The following DHRSX variants were observed in gnomAD, a reference collection of about 807,000 sequenced individuals.
The protein encoded by DHRSX is dehydrogenase/reductase X-linked.
DHRSX carries 31 observed loss-of-function variants against 34.0 expected under a neutral mutation model. The ratio of observed to expected loss-of-function variants is 0.91; its 90% CI spans 0.69 to 1.23. The LOEUF (loss-of-function observed/expected upper bound fraction) is 1.23. Ranked by LOEUF, DHRSX falls within the 50% of genes most tolerant of loss-of-function variation. The probability of loss-of-function intolerance (pLI) is 0.00; values close to 1 mark genes in which losing one functional copy is unlikely to be tolerated. For missense variants in DHRSX, 414 were observed against 428.1 expected, an observed-to-expected ratio of 0.97 and a Z score of 0.29; for synonymous variants, 201 against 183.8, an observed-to-expected ratio of 1.09 and a Z score of -0.76.
At chrX:2,387,924 A>AAC (rs2043291618) in intron 3 of DHRSX, among the ~76,000 whole-genome samples, 1 of 148,990 alleles carries the variant, frequency 6.7e-6, no homozygotes, top group Non-Finnish European at 1.5e-5. Flanking sequence ...AAAAAAAAAA[A>AAC]CGGGATTCCC....
At chrX:2,315,997 G>A (rs762054140) in intron 3 of DHRSX, among the ~76,000 whole-genome samples, 12 of 152,202 alleles carry the variant, frequency 7.9e-5, no homozygotes, top group African/African-American at 2.9e-4. Flanking sequence ...CAGTAGCTGG[G>A]ATTACAGGTG....
intron 5 of DHRSX, among the ~76,000 whole-genome samples, chrX:2,244,628 A>C (rs1395191930): frequency 6.6e-6 from 1 of 152,096 alleles, no homozygotes; most frequent in Non-Finnish European, 1.5e-5. Flanking sequence ...AATTTGCTAC[A>C]CAATTATCGT....
chrX:2,475,140 G>C (rs73180877), intron 1 of DHRSX, among the ~76,000 whole-genome samples: 24,069 of 135,448 alleles, frequency 0.18, 3,255 homozygotes, highest in African/African-American at 0.36. Context: ...GCTGTGTGCA[G>C]TGAAGACACT....
intron 2 of DHRSX, 110 bp downstream of exon 2, chrX:2,425,087 C>T (rs1241833497): frequency 4.0e-5 from 32 of 809,648 alleles, no homozygotes; most frequent in Non-Finnish European, 5.7e-5. Context: ...CTGCAGTGAG[C>T]CAAGATTGCA....
At chrX:2,421,705 C>A (rs1395429857) in intron 2 of DHRSX, among the ~76,000 whole-genome samples, 3 of 152,166 alleles carry the variant, frequency 2.0e-5, no homozygotes, top group African/African-American at 7.2e-5. Flanking sequence ...CCAGCAGAAA[C>A]TGCCATGGAG....
intron 5 of DHRSX, among the ~76,000 whole-genome samples, chrX:2,253,805 A>C (rs1275694256): frequency 2.0e-5 from 3 of 152,330 alleles, no homozygotes; most frequent in Admixed American, 1.3e-4. Context: ...TCACGCCTGT[A>C]ATCCCAGCAC....
chrX:2,225,237 TCA>T (rs1423738631), intron 6 of DHRSX, among the ~76,000 whole-genome samples: 14 of 141,302 alleles, frequency 9.9e-5, no homozygotes, highest in East Asian at 4.3e-4. Context: ...TCACATGCAG[TCA>T]CACATGCTCA....
chrX:2,417,468 T>C (rs1400823796), intron 2 of DHRSX, among the ~76,000 whole-genome samples: 1 of 152,048 alleles, frequency 6.6e-6, no homozygotes. Context: ...AGCTGGACCT[T>C]ATCATGACCT....
intron 1 of DHRSX, among the ~76,000 whole-genome samples, chrX:2,448,077 C>T (rs1248912430): frequency 2.0e-5 from 3 of 151,286 alleles, no homozygotes; most frequent in African/African-American, 7.3e-5. Flanking sequence ...GTGGCATGCA[C>T]CTGTAGTCCC....
chrX:2,251,308 T>C (rs766241842), intron 5 of DHRSX, among the ~76,000 whole-genome samples: 1 of 152,366 alleles, frequency 6.6e-6, no homozygotes, highest in South Asian at 2.1e-4. Context: ...ATCAATGTAC[T>C]TTATGCTCTT....
intron 3 of DHRSX, among the ~76,000 whole-genome samples, chrX:2,301,105 C>A (rs941918051): frequency 1.3e-3 from 193 of 152,268 alleles, no homozygotes; most frequent in Non-Finnish European, 2.2e-3. Flanking sequence ...ACTCTAAGTT[C>A]TCGTGCTAGT....
intron 1 of DHRSX, among the ~76,000 whole-genome samples, chrX:2,479,420 TGAC>T (rs1283100363): frequency 6.8e-6 from 1 of 147,364 alleles, no homozygotes; most frequent in Non-Finnish European, 1.5e-5. Context: ...ATGTGCACAC[TGAC>T]GACATTCCGT....
intron 3 of DHRSX, among the ~76,000 whole-genome samples, chrX:2,387,913 A>AAAC (rs2043290899): frequency 1.3e-5 from 2 of 150,974 alleles, no homozygotes; most frequent in South Asian, 4.2e-4. Context: ...GCAAAAAAAA[A>AAAC]AAAAAAAAAA....
intron 2 of DHRSX, among the ~76,000 whole-genome samples, chrX:2,423,126 G>A (rs2043801655): frequency 6.7e-6 from 1 of 149,952 alleles, no homozygotes; most frequent in Admixed American, 6.6e-5. Context: ...TTTTAAATGA[G>A]CCAGGGCCAG....
chrX:2,367,794 C>T (rs2043011840), intron 3 of DHRSX, among the ~76,000 whole-genome samples: 1 of 152,088 alleles, frequency 6.6e-6, no homozygotes, highest in Non-Finnish European at 1.5e-5. Flanking sequence ...ATGGTGGGTA[C>T]ACAAATGCTG....
At chrX:2,455,990 C>T (rs771982924) in intron 1 of DHRSX, among the ~76,000 whole-genome samples, 6 of 152,034 alleles carry the variant, frequency 3.9e-5, no homozygotes, top group African/African-American at 1.4e-4. Context: ...CACCTGGCTC[C>T]GTCACTGATC....
intron 3 of DHRSX, among the ~76,000 whole-genome samples, chrX:2,305,132 CT>C (rs1364624661): frequency 1.3e-5 from 2 of 151,860 alleles, no homozygotes; most frequent in Non-Finnish European, 2.9e-5. Context: ...TACACTCTCA[CT>C]CATAAGTGGG....
intron 3 of DHRSX, among the ~76,000 whole-genome samples, chrX:2,408,141 A>G (rs981551286): frequency 6.7e-6 from 1 of 149,418 alleles, no homozygotes; most frequent in Non-Finnish European, 1.5e-5. Context: ...TTTGAGACGG[A>G]GTCTTGCTCT....
intron 3 of DHRSX, among the ~76,000 whole-genome samples, chrX:2,345,110 C>T (rs141433376): frequency 0.016 from 2,481 of 151,726 alleles, 82 homozygotes; most frequent in African/African-American, 0.057. Flanking sequence ...CATGGCTTCC[C>T]CTGCCTCTTG....
Sources: allele counts gnomAD v4.1 joint callset (sites outside exome capture counted in the v4.1 genomes callset), GRCh38; gene constraint gnomAD v4.1.1; transcripts MANE v1.5; gene names NCBI Gene and HGNC (gene_info 2026-07-23, HGNC 2026-07-21).